HK2: variants seen among roughly 807,000 people sequenced by gnomAD.
HK2 encodes hexokinase-2.
In HK2, 42 loss-of-function variants were observed where a neutral mutation model predicts 92.9. The ratio of observed to expected loss-of-function variants is 0.45; its 90% CI spans 0.35 to 0.58. The LOEUF is 0.58. HK2 is among the 20% of genes least tolerant of loss of function. HK2 has a pLI of 0.00. For missense variants in HK2, 978 were observed against 1,245.1 expected, an observed-to-expected ratio of 0.79 and a Z score of 3.23; for synonymous variants, 422 against 468.0, an observed-to-expected ratio of 0.90 and a Z score of 1.27.
chr2:74,882,151 A>C lies in HK2; in HGVS notation c.1751A>C (p.Asp584Ala). ...GACCACATTGTCCAGTGCATCGCGG[A>C]CTTCCTCGAGTACATGGGCATGAAG... The part of the protein sequence containing the change: ...LFDHIVQCIA[D>A]FLEYMGMKGV... Residue 584 changes from aspartate to alanine, a missense_variant, in exon 12 of 18, where the codon GAC becomes GCC. By Grantham distance (126) the Asp-to-Ala change is moderately radical. This residue lies in a region of HK2 where 742 missense variants were observed against 922.5 expected (regional missense o/e 0.80). Transcript: ENST00000290573. 6.2e-7 allele frequency: 1 copy of C among 1,614,100 alleles called. No individual in the cohort carries two copies. Among genetic ancestry groups the C allele is most frequent in the Non-Finnish European group, 8.5e-7 (1 of 1,180,000 alleles).
At chr2:74,856,814 G>A (rs570609447) in intron 2 of HK2, among the ~76,000 whole-genome samples, 2 of 152,354 alleles carry the variant, frequency 1.3e-5, no homozygotes, top group South Asian at 4.1e-4. Context: ...CATCGGTACT[G>A]CACGTGATGT....
Position 74,880,719 on chromosome 2 carries a change from A to G in HK2, c.1570+150A>G, listed in dbSNP as rs76983005. 837 of 810,744 alleles carry G rather than the reference A, an allele frequency of 1.0e-3. 4 individuals carry two copies. In the African/African-American group the frequency reaches 0.013, roughly 13 times the overall value. The allele number at this position is 810,744 out of a possible 1,614,324, so 50.2% of individuals were successfully genotyped here. On this transcript the variant is annotated intron_variant, in intron 10 of 17. Coordinates refer to ENST00000290573, the MANE Select transcript of HK2 (RefSeq NM_000189.5). The stretch of plus-strand genomic sequence containing the variant: ...ACTAGGGAGTTCTAGTCTTTGATAA[A>G]CTCAAACAAGGTGCTCCTCTGCAAA...
At chr2:74,849,900 A>G (rs188659310) in intron 1 of HK2, among the ~76,000 whole-genome samples, 1 of 152,320 alleles carries the variant, frequency 6.6e-6, no homozygotes, top group East Asian at 1.9e-4. Context: ...TCCTTTCACC[A>G]CCACCAGCTA....
intron 12 of HK2, 97 bp from the exon 13 acceptor site, chr2:74,885,397 A>G (rs1443132553): frequency 1.1e-5 from 9 of 812,856 alleles, no homozygotes; most frequent in Non-Finnish European, 1.7e-5. Flanking sequence ...GATCCGTCTG[A>G]CCTGTGAGGT....
chr2:74,861,878 A>G (rs1422240972), intron 2 of HK2, among the ~76,000 whole-genome samples: 2 of 152,232 alleles, frequency 1.3e-5, no homozygotes, highest in Admixed American at 1.3e-4. Context: ...TCGTTTGGTT[A>G]TAACTATGCC....
At chr2:74,855,839 G>T (rs1223032097) in intron 2 of HK2, among the ~76,000 whole-genome samples, 2 of 152,164 alleles carry the variant, frequency 1.3e-5, no homozygotes, top group African/African-American at 4.8e-5. Flanking sequence ...TTCAAGGGTG[G>T]GGCCCGGCTG....
intron 1 of HK2, among the ~76,000 whole-genome samples, chr2:74,849,180 G>A (rs1035314335): frequency 6.6e-6 from 1 of 152,228 alleles, no homozygotes; most frequent in African/African-American, 2.4e-5. Flanking sequence ...GGGGATGGGT[G>A]TTAATGGCTT....
rs1413766914 is a variant in HK2, at chr2:74,834,787, C to T, written c.63+144C>T. On this transcript the variant is annotated intron_variant, in intron 1 of 17. Transcript: ENST00000290573. This position sits in a 1 kb window ranked among gnomAD's most constrained non-coding sequence, Gnocchi z 4.2. The stretch of plus-strand genomic sequence containing the variant: ...AAAAGTTTGGGCAGCCGGGACACTC[C>T]TGGGCGCCAGGAGCCACGTCCGCTA... The T allele has an allele frequency of 1.6e-5, 14 of 885,334 alleles. No individual in the cohort carries two copies. The highest frequency in any genetic ancestry group is 2.2e-5 in the Non-Finnish European group (12 of 547,320). 54.8% of individuals were successfully genotyped at this position (885,334 alleles called of 1,614,324 possible). A position where few individuals can be genotyped will look rare whatever the true frequency, so the allele number is the denominator to read the frequency against.
chr2:74,856,030 C>A (rs1244710705), intron 2 of HK2, among the ~76,000 whole-genome samples: 1 of 152,002 alleles, frequency 6.6e-6, no homozygotes, highest in Non-Finnish European at 1.5e-5. Flanking sequence ...GGAGAGAGAA[C>A]CCAAGGGGCA....
rs1689673277 is a variant in HK2 at position 74,891,364 on chromosome 2, CAG to C, written c.*427_*428del. The C allele has an allele frequency of 3.8e-6, 1 of 263,246 alleles. No individual in the cohort carries two copies. Among genetic ancestry groups the C allele is most frequent in the Non-Finnish European group, 7.5e-6 (1 of 133,406 alleles). 16.3% of individuals were successfully genotyped at this position (263,246 alleles called of 1,614,324 possible). On this transcript the variant is annotated 3_prime_UTR_variant, in exon 18 of 18. Coordinates refer to ENST00000290573, the MANE Select transcript of HK2 (RefSeq NM_000189.5). ...CTGATGTTGTTACTGATTCTCCTGT[CAG>C]AGATCTGGGAGGTCTCCACTGAGGA...
intron 1 of HK2, among the ~76,000 whole-genome samples, chr2:74,837,395 G>T (rs1432739279): frequency 6.6e-6 from 1 of 152,208 alleles, no homozygotes; most frequent in Non-Finnish European, 1.5e-5. Flanking sequence ...TCTTCTGTTG[G>T]TTTGATCAGT....
rs1259881487 is a variant in HK2 at position 74,873,694 on chromosome 2, TAA to T, written c.592-147_592-146del. Reference sequence around the variant, plus strand: ...GGAATGGCTCAGAGAGAGAATGAATTAAAAGTCTTATCACAGGAGGAGTTATG... The same window carrying T: ...GGAATGGCTCAGAGAGAGAATGAATTAAGTCTTATCACAGGAGGAGTTATG... On this transcript the variant is annotated intron_variant, in intron 5 of 17. Transcript: ENST00000290573. 5.3e-5 allele frequency: 37 copies of T among 696,440 alleles called. No homozygotes were observed. In the East Asian group the frequency reaches 8.9e-4, roughly 17 times the overall value. 43.1% of individuals were successfully genotyped at this position (696,440 alleles called of 1,614,324 possible).
intron 2 of HK2, among the ~76,000 whole-genome samples, chr2:74,855,784 T>C (rs1317134615): frequency 6.6e-6 from 1 of 152,044 alleles, no homozygotes; most frequent in East Asian, 1.9e-4. Context: ...GAGGCCCAGC[T>C]GGTAGAGCAC....
Position 74,880,562 on chromosome 2 carries a change from C to A in HK2, c.1563C>A (p.Asp521Glu). 6.2e-7 allele frequency: 1 copy of A among 1,613,688 alleles called. No homozygotes were observed. The highest frequency in any genetic ancestry group is 8.5e-7 in the Non-Finnish European group (1 of 1,179,766). Residue 521 changes from aspartate to glutamate, a missense_variant, in exon 10 of 18, where the codon GAC (aspartate) becomes GAA (glutamate). Physicochemically the swap from Asp to Glu is conservative, Grantham distance 45 (BLOSUM62 2). Transcript: ENST00000290573. ...CCACCTACGTGTGTGCTACCCCGGA[C>A]GGCACAGGTACACGGCAGGGTTGCC... ...MLPTYVCATP[D>E]GTEKGDFLAL...
intron 2 of HK2, among the ~76,000 whole-genome samples, chr2:74,857,851 G>C (rs1441578454): frequency 2.6e-5 from 4 of 152,186 alleles, no homozygotes; most frequent in Admixed American, 6.5e-5. Flanking sequence ...CCGAGGTGAA[G>C]TTGTGTTAGC....
intron 1 of HK2, among the ~76,000 whole-genome samples, chr2:74,841,940 G>T (rs1688323789): frequency 2.0e-5 from 3 of 152,250 alleles, no homozygotes; most frequent in Admixed American, 2.0e-4. Context: ...TCCACTGAGG[G>T]ACAGCCTGAC....
chr2:74,850,957 G>A (rs773549788), intron 1 of HK2, among the ~76,000 whole-genome samples: 6 of 152,226 alleles, frequency 3.9e-5, no homozygotes, highest in Non-Finnish European at 7.3e-5. Context: ...ATGTGAAAGA[G>A]GGGAAGTTTG....
chr2:74,843,858 A>C (rs1002917474), intron 1 of HK2, among the ~76,000 whole-genome samples: 1 of 152,056 alleles, frequency 6.6e-6, no homozygotes, highest in East Asian at 1.9e-4. Flanking sequence ...TTTCCTCCCA[A>C]ACTTTTCTGT....
At chr2:74,845,260 G>A (rs1688409538) in intron 1 of HK2, among the ~76,000 whole-genome samples, 1 of 152,224 alleles carries the variant, frequency 6.6e-6, no homozygotes, top group Non-Finnish European at 1.5e-5. Context: ...CTTCCTGGCA[G>A]AGGCTGGTGT....
Sources: allele counts gnomAD v4.1 joint callset (sites outside exome capture counted in the v4.1 genomes callset), GRCh38; gene constraint gnomAD v4.1.1; regional missense constraint gnomAD v4.1.1; non-coding constraint Gnocchi (gnomAD v3.1); transcripts MANE v1.5; gene names NCBI Gene and HGNC (gene_info 2026-07-23, HGNC 2026-07-21).